PLA2G2A: variants seen among roughly 807,000 people sequenced by gnomAD.
PLA2G2A encodes the protein phospholipase A2 group IIA.
In PLA2G2A, 6 loss-of-function variants were observed where a neutral mutation model predicts 11.2. The observed-to-expected ratio is 0.54, with a 90% confidence interval of 0.29 to 1.06. PLA2G2A has a LOEUF of 1.06. Ranked by LOEUF, PLA2G2A falls within the 50% of genes least tolerant of loss-of-function variation. The pLI is 0.08. For missense variants in PLA2G2A, 133 were observed against 177.1 expected (o/e 0.75, Z 1.41); for synonymous variants, 69 against 65.8 (o/e 1.05, Z -0.23).
upstream of PLA2G2A, among the ~76,000 whole-genome samples, chr1:19,980,133 C>T (rs369145688): frequency 6.6e-5 from 10 of 152,206 alleles, no homozygotes; most frequent in Admixed American, 2.0e-4. Context: ...TGTTCCAGCA[C>T]CTGTGCAGGC....
At chr1:19,977,008 C>T (rs2046229478) in intron 4 of PLA2G2A, among the ~76,000 whole-genome samples, 1 of 152,176 alleles carries the variant, frequency 6.6e-6, no homozygotes, top group South Asian at 2.1e-4. Context: ...CCCTCTCTGT[C>T]CATCCCTTCT....
chr1:19,975,515 A>G, downstream of PLA2G2A: 1 of 638,268 alleles, frequency 1.6e-6, no homozygotes, highest in East Asian at 2.7e-5. Context: ...GGTGGAGGAG[A>G]GCAGTAGAAG....
At chr1:19,977,572 C>T (rs11573166) in intron 4 of PLA2G2A, among the ~76,000 whole-genome samples, 3 of 152,224 alleles carry the variant, frequency 2.0e-5, no homozygotes, top group Non-Finnish European at 2.9e-5. Flanking sequence ...CTAAATACAG[C>T]CCGGCCTGGA....
upstream of PLA2G2A, among the ~76,000 whole-genome samples, chr1:19,979,920 G>A (rs769613929): frequency 4.6e-5 from 7 of 152,126 alleles, no homozygotes; most frequent in African/African-American, 1.4e-4. Flanking sequence ...CCCTGCAATC[G>A]CCTCTAAGGG....
rs564203554 is a variant in PLA2G2A, at chr1:19,977,486, C to G, written c.292+529G>C. Among the ~76,000 whole-genome samples the G allele has an allele frequency of 3.3e-5, 5 of 152,340 alleles. No homozygotes were observed. The South Asian group carries it at 1.0e-3, about 32-fold the overall frequency. On this transcript the variant is annotated intron_variant, in intron 4 of 4. Coordinates refer to ENST00000482011, the Ensembl canonical transcript of PLA2G2A. The stretch of plus-strand genomic sequence containing the variant: ...CTTGTCTCCATCGACCCTGTCCCCA[C>G]AGTGAGTCATCTAAAATGCAAATCT...
chr1:19,980,115 C>T (rs1389194061), upstream of PLA2G2A, among the ~76,000 whole-genome samples: 1 of 152,208 alleles, frequency 6.6e-6, no homozygotes, highest in African/African-American at 2.4e-5. Context: ...TGTCCTGGGC[C>T]TCTACCATGT....
At chr1:19,977,372 C>T (rs1340806321) in intron 4 of PLA2G2A, among the ~76,000 whole-genome samples, 1 of 152,186 alleles carries the variant, frequency 6.6e-6, no homozygotes, top group Non-Finnish European at 1.5e-5. Context: ...TTTTCTCCAC[C>T]TTTCCCATCC....
Position 19,978,122 on chromosome 1 carries a change from C to CA in PLA2G2A, c.186-2_186-1insT, listed in dbSNP as rs2046246847. On this transcript the variant is annotated splice_acceptor_variant, in intron 3 of 4. Coordinates refer to ENST00000482011, the Ensembl canonical transcript of PLA2G2A. LOFTEE classifies it high-confidence loss of function. Reference sequence around the variant, plus strand: ...GCAACAGTCATGAGTGACACAGCAGCTGTGAGGAGACACCCTGTTGGGGCT... The same window carrying CA: ...GCAACAGTCATGAGTGACACAGCAGCATGTGAGGAGACACCCTGTTGGGGCT... The CA allele has an allele frequency of 6.2e-7, 1 of 1,606,640 alleles. No homozygotes were observed. Among genetic ancestry groups the CA allele is most frequent in the Admixed American group, 1.7e-5 (1 of 60,030 alleles).
At chr1:19,977,072 A>G (rs1288199070) in intron 4 of PLA2G2A, among the ~76,000 whole-genome samples, 1 of 152,086 alleles carries the variant, frequency 6.6e-6, no homozygotes, top group Non-Finnish European at 1.5e-5. Flanking sequence ...CCCACCTCTC[A>G]GGTCTCTGCT....
At chr1:19,980,075 A>ATTT, upstream of PLA2G2A, among the ~76,000 whole-genome samples, 1 of 152,204 alleles carries the variant, frequency 6.6e-6, no homozygotes, top group African/African-American at 2.4e-5. Flanking sequence ...TCATTCATTC[A>ATTT]GCCGCTCAAT....
chr1:19,978,930 C>T (rs568213574), intron 1 of PLA2G2A, 51 bp from the exon 2 acceptor site: 2 of 693,118 alleles, frequency 2.9e-6, no homozygotes, highest in Non-Finnish European at 5.2e-6. Flanking sequence ...AGGGTGACTT[C>T]CTCTGTCACA....
At chr1:19,980,365 T>A (rs1270962228), upstream of PLA2G2A, 1 of 152,434 alleles carries the variant, frequency 6.6e-6, no homozygotes, top group Non-Finnish European at 1.5e-5. Context: ...TCCTCACCTG[T>A]TTGGAGACAG....
chr1:19,978,152 T>C (rs759126977), intron 3 of PLA2G2A, 31 bp from the exon 4 acceptor site: 1 of 1,508,318 alleles, frequency 6.6e-7, no homozygotes, highest in Non-Finnish European at 9.2e-7. Flanking sequence ...GGGGCTCTTG[T>C]CCCACAGCTC....
Position 19,978,973 on chromosome 1 carries a change from G to GCACACACACA in PLA2G2A, c.-106-104_-106-95dup, listed in dbSNP as rs3061293. On this transcript the variant is annotated intron_variant, in intron 1 of 4. Transcript: ENST00000482011. ...CACACAAGGAGTGCCCTCCAGCAATGCACACACACACACACACACACACAC... is the reference window on the plus strand; with the variant it reads ...CACACAAGGAGTGCCCTCCAGCAATGCACACACACACACACACACACACACACACACACAC... 3.8e-3 allele frequency: 2,181 copies of GCACACACACA among 572,978 alleles called. 17 individuals carry two copies. Among genetic ancestry groups the GCACACACACA allele is most frequent in the African/African-American group, 0.028 (1,466 of 52,502 alleles). 35.5% of individuals were successfully genotyped at this position (572,978 alleles called of 1,614,324 possible). A position where few individuals can be genotyped will look rare whatever the true frequency, so the allele number is the denominator to read the frequency against.
intron 3 of PLA2G2A, 55 bp from the exon 4 acceptor site, chr1:19,978,176 G>A (rs2100416062): frequency 4.9e-6 from 7 of 1,419,714 alleles, no homozygotes; most frequent in Non-Finnish European, 6.0e-6. Context: ...GAGGCCTGGT[G>A]CCTGTGGTCT....
intron 1 of PLA2G2A, 94 bp from the exon 2 acceptor site, chr1:19,978,973 G>GCACGCACGCACACACACACA: frequency 1.7e-6 from 1 of 571,986 alleles, no homozygotes; most frequent in Non-Finnish European, 3.2e-6. Flanking sequence ...CTCCAGCAAT[G>GCACGCACGCACACACACACA]CACACACACA....
Position 19,976,246 on chromosome 1 carries a change from T to C in PLA2G2A, c.293-403A>G, listed in dbSNP as rs531841895. On this transcript the variant is annotated intron_variant, in intron 4 of 4. Transcript: ENST00000482011. ...TATCATGTAACCTTGTTCCAACCAA[T>C]GAGCAACAAGGGGAAGTCTGCTGGG... 3.9e-5 allele frequency among the ~76,000 whole-genome samples: 6 copies of C among 152,334 alleles called. No homozygotes were observed. In the East Asian group the frequency reaches 1.2e-3, roughly 29 times the overall value.
chr1:19,977,516 C>G (rs923505179), intron 4 of PLA2G2A, among the ~76,000 whole-genome samples: 5 of 152,234 alleles, frequency 3.3e-5, no homozygotes, highest in African/African-American at 1.2e-4. Flanking sequence ...AAATCTGACC[C>G]TGTAGCTCCT....
intron 4 of PLA2G2A, among the ~76,000 whole-genome samples, chr1:19,977,675 G>A (rs2046239148): frequency 6.6e-6 from 1 of 152,202 alleles, no homozygotes; most frequent in South Asian, 2.1e-4. Context: ...GTACAGAATG[G>A]CTTACAGTGC....
Sources: allele counts gnomAD v4.1 joint callset (sites outside exome capture counted in the v4.1 genomes callset), GRCh38; gene constraint gnomAD v4.1.1; transcripts MANE v1.5; gene names NCBI Gene and HGNC (gene_info 2026-07-23, HGNC 2026-07-21).